CAST: variants seen among roughly 807,000 people sequenced by gnomAD.
CAST encodes MIR583 host.
Under a neutral mutation model 119.6 loss-of-function variants are expected in CAST, and 76 were observed. The ratio of observed to expected loss-of-function variants is 0.64; its 90% confidence interval spans 0.53 to 0.77. CAST has a LOEUF of 0.77. Ranked by LOEUF, CAST falls within the 30% of genes least tolerant of loss-of-function variation. The pLI, the probability that CAST is intolerant of heterozygous loss-of-function variation, is 0.00. For synonymous variants in CAST, 319 were observed against 331.6 expected, an observed-to-expected ratio of 0.96 and a Z score of 0.41; for missense variants, 953 against 946.5, an observed-to-expected ratio of 1.01 and a Z score of -0.09.
At chr5:96,440,733 A>C in the CAST span, among the ~76,000 whole-genome samples, 2 of 152,200 alleles carry the variant, frequency 1.3e-5, no homozygotes, top group African/African-American at 4.8e-5. Context: ...CTAGGAAAGA[A>C]ATAGGTATGG....
At chr5:96,657,729 T>C (rs1748184138), upstream of CAST, among the ~76,000 whole-genome samples, 2 of 151,958 alleles carry the variant, frequency 1.3e-5, no homozygotes, top group Non-Finnish European at 2.9e-5. Flanking sequence ...GGGAGAAAAA[T>C]GAAAGTTAGT....
chr5:96,233,832 A>G, the CAST span, among the ~76,000 whole-genome samples: 1 of 152,180 alleles, frequency 6.6e-6, no homozygotes, highest in African/African-American at 2.4e-5. Context: ...CAGAAACCTT[A>G]TATCTTCGTG....
At chr5:96,401,853 G>T in the CAST span, among the ~76,000 whole-genome samples, 1 of 152,164 alleles carries the variant, frequency 6.6e-6, no homozygotes, top group Non-Finnish European at 1.5e-5. Context: ...GGGTATATAT[G>T]CTCAGCAGAT....
chr5:96,552,793 T>C (rs11739241), intron 1 of CAST, among the ~76,000 whole-genome samples: 19,807 of 152,096 alleles, frequency 0.13, 1,643 homozygotes, highest in Non-Finnish European at 0.19. Context: ...TCTATGCAAA[T>C]AAACTAGAAA....
intron 15 of CAST, chr5:96,741,888 T>C (rs913318930): frequency 1.2e-5 from 3 of 260,540 alleles, no homozygotes; most frequent in African/African-American, 6.7e-5. Context: ...AACCTTCAAG[T>C]TTGATTGTAT....
the CAST span, among the ~76,000 whole-genome samples, chr5:96,172,777 G>A: frequency 6.6e-6 from 1 of 152,148 alleles, no homozygotes; most frequent in Non-Finnish European, 1.5e-5. Flanking sequence ...AGATCCTCTA[G>A]GAGAGCCAGA....
At chr5:96,289,949 AC>A in the CAST span, among the ~76,000 whole-genome samples, 2 of 151,534 alleles carry the variant, frequency 1.3e-5, no homozygotes, top group Admixed American at 6.6e-5. Context: ...TTTAAAAAAA[AC>A]AGAATTGACT....
intron 1 of CAST, among the ~76,000 whole-genome samples, chr5:96,620,088 T>C (rs932771099): frequency 2.6e-5 from 4 of 152,322 alleles, no homozygotes; most frequent in Non-Finnish European, 5.9e-5. Context: ...AGAATGGCAA[T>C]CTATTACTGC....
the CAST span, among the ~76,000 whole-genome samples, chr5:96,386,033 A>G: frequency 1.1e-4 from 17 of 152,192 alleles, no homozygotes; most frequent in Non-Finnish European, 2.1e-4. Flanking sequence ...CCCATCCTCA[A>G]AATAAGGACA....
chr5:96,617,616 C>T (rs551589634), intron 1 of CAST, among the ~76,000 whole-genome samples: 13 of 151,230 alleles, frequency 8.6e-5, no homozygotes, highest in South Asian at 4.2e-4. Flanking sequence ...AGTGAAACCC[C>T]GTCTCTACTA....
At chr5:95,968,400 G>A in the CAST span, among the ~76,000 whole-genome samples, 5 of 152,264 alleles carry the variant, frequency 3.3e-5, no homozygotes, top group East Asian at 1.9e-4. Flanking sequence ...TATGCACAGC[G>A]CATAGGTGCC....
chr5:96,201,458 C>T, the CAST span, among the ~76,000 whole-genome samples: 18 of 152,198 alleles, frequency 1.2e-4, no homozygotes, highest in Admixed American at 9.8e-4. Flanking sequence ...AATCAATGCA[C>T]GAGCCACACA....
chr5:95,968,541 C>T, the CAST span, among the ~76,000 whole-genome samples: 1 of 152,050 alleles, frequency 6.6e-6, no homozygotes. Flanking sequence ...ATACACATCC[C>T]CTATAATATC....
intron 19 of CAST, 34 bp downstream of exon 19, chr5:96,748,647 A>T: frequency 1.8e-6 from 2 of 1,105,120 alleles, no homozygotes; most frequent in Non-Finnish European, 2.7e-6. Context: ...TCTAGTTTTG[A>T]GGTTTGTGAT....
At chr5:96,012,186 T>C in the CAST span, among the ~76,000 whole-genome samples, 2 of 152,176 alleles carry the variant, frequency 1.3e-5, no homozygotes, top group Admixed American at 6.6e-5. Context: ...TGGGTGTTGT[T>C]TGTAGTTAAT....
chr5:96,026,734 A>G, the CAST span, among the ~76,000 whole-genome samples: 1 of 152,252 alleles, frequency 6.6e-6, no homozygotes, highest in Non-Finnish European at 1.5e-5. Flanking sequence ...TATAAATGCA[A>G]TAAGTATTTA....
At chr5:96,462,305 A>G in the CAST span, among the ~76,000 whole-genome samples, 1 of 152,092 alleles carries the variant, frequency 6.6e-6, no homozygotes, top group African/African-American at 2.4e-5. Context: ...CCAGCACTTG[A>G]CATCAAGTAG....
the CAST span, among the ~76,000 whole-genome samples, chr5:96,474,955 G>A: frequency 4.4e-3 from 675 of 152,312 alleles, 3 homozygotes; most frequent in Non-Finnish European, 7.5e-3. Flanking sequence ...TTTCTGTGCT[G>A]ATTAATATAA....
chr5:96,726,573 G>GA (rs1397854534), intron 4 of CAST, among the ~76,000 whole-genome samples: 1 of 152,082 alleles, frequency 6.6e-6, no homozygotes. Flanking sequence ...AACCTTCGCT[G>GA]AAAAAAACCT....
Sources: gnomAD v4.1 joint callset for allele counts (sites outside exome capture counted in the v4.1 genomes callset) on GRCh38, gnomAD v4.1.1 for gene constraint, MANE v1.5 for transcripts, NCBI Gene and HGNC (gene_info 2026-07-23, HGNC 2026-07-21) for gene names.